TRPM4: variants seen among roughly 807,000 people sequenced by gnomAD.
The protein encoded by TRPM4 is transient receptor potential cation channel subfamily M member 4, also known as calcium-activated non-selective cation channel 1.
A neutral mutation model predicts 135.6 loss-of-function variants in TRPM4; 124 were observed. The ratio of observed to expected loss-of-function variants is 0.91; its 90% CI spans 0.79 to 1.06. The LOEUF (loss-of-function observed/expected upper bound fraction) is 1.06, where lower values mean the gene tolerates loss of function less well. Ranked by LOEUF, TRPM4 falls within the 50% of genes least tolerant of loss-of-function variation. TRPM4 has a pLI of 0.00. For synonymous variants in TRPM4, 745 were observed against 705.6 expected (o/e 1.06, Z -0.88); for missense variants, 1,658 against 1,671.4 (o/e 0.99, Z 0.14).
chr19:49,196,931 C>G, intron 17 of TRPM4, 57 bp downstream of exon 17: 2 of 1,505,972 alleles, frequency 1.3e-6, no homozygotes, highest in Non-Finnish European at 1.8e-6. Context: ...TCCTTCCTGC[C>G]CACTCCCGGG....
intron 6 of TRPM4, 34 bp downstream of exon 6, chr19:49,168,770 A>G: frequency 6.4e-7 from 1 of 1,563,760 alleles, no homozygotes; most frequent in Non-Finnish European, 8.7e-7. Flanking sequence ...ACAACCCACG[A>G]CCCACAACCT....
chr19:49,210,340 T>A lies in TRPM4; in HGVS notation c.3263T>A (p.Leu1088Gln). 1 of 1,614,224 alleles carries A rather than the reference T, an allele frequency of 6.2e-7. No homozygotes were observed. Among genetic ancestry groups the A allele is most frequent in the African/African-American group, 1.3e-5 (1 of 75,078 alleles). Residue 1088 changes from leucine to glutamine, a missense_variant, in exon 21 of 25, where the codon CTG becomes CAG. Physicochemically the swap from Leu to Gln is moderately radical, Grantham distance 113. Transcript: ENST00000252826. The surrounding 1 kb of genome is among the most constrained non-coding windows in gnomAD (Gnocchi z 4.1). ...ATCGTCATCTCCCACTTGCGCCTCC[T>A]GCTCAGGCAATTGTGCAGGCGACCC... ...PFIVISHLRL[L>Q]LRQLCRRPRS...
chr19:49,210,294 C>A lies in TRPM4; in HGVS notation c.3217C>A (p.Pro1073Thr), dbSNP rs1019994678. 6.2e-7 allele frequency: 1 copy of A among 1,614,114 alleles called. No homozygotes were observed. The highest frequency in any genetic ancestry group is 1.3e-5 in the African/African-American group (1 of 74,954). The change falls in exon 21 of 25, where the codon CCC becomes ACC. Residue 1073 changes from proline (P) to threonine (T), a missense_variant. Physicochemically the swap from Pro to Thr is conservative, Grantham distance 38 (BLOSUM62 -1). Around this residue, in one of 3 missense-constraint regions of TRPM4, gnomAD observed 1,412 missense variants for 1,408.7 expected, o/e 1.00. Coordinates refer to ENST00000252826, the MANE Select transcript of TRPM4 (RefSeq NM_017636.4). The surrounding 1 kb of genome is among the most constrained non-coding windows in gnomAD (Gnocchi z 4.1). ...CCTCATCCGGGAATTCCACTCTCGGCCCGCGCTGGCCCCGCCCTTTATCGT... is the reference window on the plus strand; with the variant it reads ...CCTCATCCGGGAATTCCACTCTCGGACCGCGCTGGCCCCGCCCTTTATCGT... ...YRLIREFHSR[P>T]ALAPPFIVIS...
At position 49,168,700 on chromosome 19, in the gene TRPM4, G is replaced by C; in HGVS notation, c.760G>C (p.Glu254Gln). The change falls in exon 6 of 25, where the codon GAG becomes CAG. Residue 254 changes from glutamate (E) to glutamine (Q), a missense_variant. Transcript: ENST00000252826. ...CGAGAACCGCTTCCGCTTGCGCCTGGAGTCCTACATCTCACAGCAGAAGAC... is the reference window on the plus strand; with the variant it reads ...CGAGAACCGCTTCCGCTTGCGCCTGCAGTCCTACATCTCACAGCAGAAGAC... ...GGENRFRLRLESYISQQKTGV... is the reference protein window; with the variant it reads ...GGENRFRLRLQSYISQQKTGV... 1 of 1,607,324 alleles carries C rather than the reference G, an allele frequency of 6.2e-7. No homozygotes were observed. The highest frequency in any genetic ancestry group is 1.3e-5 in the African/African-American group (1 of 74,914).
intron 2 of TRPM4, among the ~76,000 whole-genome samples, chr19:49,164,682 T>TTGCTTG (rs1967106364): frequency 6.9e-6 from 1 of 144,534 alleles, no homozygotes; most frequent in Non-Finnish European, 1.5e-5. Context: ...GCGCCCGGCC[T>TTGCTTG]CTTGCTTGCT....
At chr19:49,169,622 G>A (rs1234324732) in intron 6 of TRPM4, among the ~76,000 whole-genome samples, 2 of 150,986 alleles carry the variant, frequency 1.3e-5, no homozygotes, top group Non-Finnish European at 2.9e-5. Context: ...TCACCTTGTT[G>A]GCTAGGCTGT....
intron 2 of TRPM4, among the ~76,000 whole-genome samples, chr19:49,164,224 C>A (rs1967073850): frequency 2.7e-5 from 4 of 149,750 alleles, no homozygotes; most frequent in South Asian, 2.1e-4. Flanking sequence ...CTTTTCTTTT[C>A]TTTTCTCTCT....
Position 49,210,522 on chromosome 19 carries a change from G to A in TRPM4, c.3328+117G>A. 6.9e-7 allele frequency: 1 copy of A among 1,444,038 alleles called. No homozygotes were observed. The allele number at this position is 1,444,038 out of a possible 1,614,324, so 89.5% of individuals were successfully genotyped here. On this transcript the variant is annotated intron_variant, in intron 21 of 24. Coordinates refer to ENST00000252826, the MANE Select transcript of TRPM4 (RefSeq NM_017636.4). The surrounding 1 kb of genome is among the most constrained non-coding windows in gnomAD (Gnocchi z 4.1). ...GGCGTGGCTTAGGTAGCGAGGGGCG[G>A]GGTTTAAGCAACAAGGGGCGGAGCT...
chr19:49,199,225 G>A (rs983496855), intron 17 of TRPM4, among the ~76,000 whole-genome samples: 2 of 150,080 alleles, frequency 1.3e-5, no homozygotes, highest in Non-Finnish European at 3.0e-5. Context: ...ATGGCCATAT[G>A]TCCTTGTGCC....
At chr19:49,194,278 A>G (rs1968541361) in intron 16 of TRPM4, among the ~76,000 whole-genome samples, 1 of 151,886 alleles carries the variant, frequency 6.6e-6, no homozygotes, top group Non-Finnish European at 1.5e-5. Flanking sequence ...TCTTTGAGAC[A>G]GGATCTTGAT....
rs761126191 is a variant in TRPM4 at position 49,182,923 on chromosome 19, G to A, written c.1608+1G>A. ...CCCAGGCCAGGGCTTCGGGGAGAGCGTAAGGACCGGGCAAAGCTGGGGGGC... is the reference window on the plus strand; with the variant it reads ...CCCAGGCCAGGGCTTCGGGGAGAGCATAAGGACCGGGCAAAGCTGGGGGGC... On this transcript the variant is annotated splice_donor_variant, in intron 11 of 24. Transcript: ENST00000252826. LOFTEE classifies it high-confidence loss of function. 1.3e-6 allele frequency: 2 copies of A among 1,589,104 alleles called. No individual in the cohort carries two copies. Among genetic ancestry groups the A allele is most frequent in the East Asian group, 2.2e-5 (1 of 44,532 alleles).
At position 49,168,243 on chromosome 19, in the gene TRPM4, C is replaced by A; in HGVS notation, c.449-17C>A. 1 of 1,614,048 alleles carries A rather than the reference C, an allele frequency of 6.2e-7. No individual in the cohort carries two copies. Among genetic ancestry groups the A allele is most frequent in the Non-Finnish European group, 8.5e-7 (1 of 1,180,026 alleles). ...TTCTCTCCCCCTGCCTCTGCATGTT[C>A]CTCGGCGTCTGTGTAGGAGCCTGGA... On this transcript the variant is annotated splice_polypyrimidine_tract_variant and intron_variant, in intron 4 of 24. Transcript: ENST00000252826.
At chr19:49,177,237 C>A (rs1967730838) in intron 9 of TRPM4, among the ~76,000 whole-genome samples, 2 of 151,506 alleles carry the variant, frequency 1.3e-5, no homozygotes, top group South Asian at 4.2e-4. Context: ...TCACAGTCCA[C>A]TGGGGGAACT....
rs1969350274 is a variant in TRPM4, at chr19:49,211,121, C to T, written c.3534+34C>T. ...TTGGGGCCTGGCTGGGGGACTGTGG[C>T]AGGGGTCCCATCTCCCGCTCTGACA... is the stretch of plus-strand genomic sequence containing the variant. On this transcript the variant is annotated intron_variant, in intron 23 of 24. Transcript: ENST00000252826. The surrounding 1 kb of genome is among the most constrained non-coding windows in gnomAD (Gnocchi z 4.8). The T allele has an allele frequency of 4.3e-6, 7 of 1,612,132 alleles. No homozygotes were observed. The highest frequency in any genetic ancestry group is 5.9e-6 in the Non-Finnish European group (7 of 1,179,144).
Position 49,181,358 on chromosome 19 carries a change from G to A in TRPM4, c.1160G>A (p.Ser387Asn), listed in dbSNP as rs376261717. The change falls in exon 10 of 25, where the codon AGC (serine) becomes AAC (asparagine). Residue 387 changes from serine to asparagine, a missense_variant. Transcript: ENST00000252826. ...VLKALVKACG[S>N]SEASAYLDEL... ...CCTCTAATCCTTCCAGCCTGTGGGA[G>A]CTCGGAGGCCTCAGCCTACCTGGAT... 24 of 1,613,358 alleles carry A rather than the reference G, an allele frequency of 1.5e-5. No individual in the cohort carries two copies. Among genetic ancestry groups the A allele is most frequent in the Non-Finnish European group, 1.9e-5 (23 of 1,179,678 alleles).
chr19:49,182,958 C>A, intron 11 of TRPM4, 36 bp downstream of exon 11: 1 of 1,583,142 alleles, frequency 6.3e-7, no homozygotes, highest in Non-Finnish European at 8.6e-7. Flanking sequence ...CCCCCCCGCG[C>A]GGGAAGGACC....
chr19:49,211,661 C>A lies in TRPM4; in HGVS notation c.*163C>A. On this transcript the variant is annotated 3_prime_UTR_variant, in exon 25 of 25. Transcript: ENST00000252826. This position sits in a 1 kb window ranked among gnomAD's most constrained non-coding sequence, Gnocchi z 4.8. ...ACCACCTTTGGGAGTGTCATCCTTA[C>A]AAACCACAGCATGCCCGGCTCCTCC... is the stretch of plus-strand genomic sequence containing the variant. 1 of 883,578 alleles carries A rather than the reference C, an allele frequency of 1.1e-6. No individual in the cohort carries two copies. The highest frequency in any genetic ancestry group is 1.9e-6 in the Non-Finnish European group (1 of 534,948). 54.7% of individuals were successfully genotyped at this position (883,578 alleles called of 1,614,324 possible).
rs556601275 is a variant in TRPM4, at chr19:49,168,529, C to G, written c.613-24C>G. 2.4e-5 allele frequency: 38 copies of G among 1,613,834 alleles called. No individual in the cohort carries two copies. In the South Asian group the frequency reaches 4.2e-4, roughly 18 times the overall value. On this transcript the variant is annotated intron_variant, in intron 5 of 24. Coordinates refer to ENST00000252826, the MANE Select transcript of TRPM4 (RefSeq NM_017636.4). ...CTTCTGGCCCCGATGAGGAGACGCCCTGGTCTGGCCATTTTTCCCCTAGGG... is the reference window on the plus strand; with the variant it reads ...CTTCTGGCCCCGATGAGGAGACGCCGTGGTCTGGCCATTTTTCCCCTAGGG...
chr19:49,165,909 G>A (rs1967153197), intron 2 of TRPM4, 132 bp from the exon 3 acceptor site: 4 of 932,984 alleles, frequency 4.3e-6, no homozygotes. Context: ...GCCAGGGGCA[G>A]CGTGGACTCT....
Sources: gnomAD v4.1 joint callset for allele counts (sites outside exome capture counted in the v4.1 genomes callset) on GRCh38, gnomAD v4.1.1 for gene constraint, gnomAD v4.1.1 regional missense constraint, Gnocchi (gnomAD v3.1) non-coding constraint, MANE v1.5 for transcripts, NCBI Gene and HGNC (gene_info 2026-07-23, HGNC 2026-07-21) for gene names.